RBBP8: variants seen among roughly 807,000 people sequenced by gnomAD.
RBBP8 encodes DNA endonuclease RBBP8.
Under a neutral mutation model 108.3 loss-of-function variants are expected in RBBP8, and 88 were observed. The ratio of observed to expected loss-of-function variants is 0.81; its 90% CI spans 0.68 to 0.97. RBBP8 has a LOEUF of 0.97. Among genes scored for constraint, RBBP8 ranks in the 50% least tolerant of loss-of-function variants. RBBP8 has a pLI of 0.00. For synonymous variants in RBBP8, 332 were observed against 348.2 expected (o/e 0.95, Z 0.52); for missense variants, 1,023 against 1,049.0 (o/e 0.98, Z 0.34).
Position 22,996,476 on chromosome 18 carries a change from TA to T in RBBP8, c.2028+18del. 1 of 1,612,542 alleles carries T rather than the reference TA, an allele frequency of 6.2e-7. No homozygotes were observed. The highest frequency in any genetic ancestry group is 8.5e-7 in the Non-Finnish European group (1 of 1,179,458). ...ATAGATACAAAGGTAAGTTAAAAAG[TA>T]AAACCAAAACTCATTTGACTTTTAT... On this transcript the variant is annotated intron_variant, in intron 13 of 18. Coordinates refer to ENST00000327155, the MANE Select transcript of RBBP8 (RefSeq NM_002894.3).
At chr18:23,016,210 A>G (rs994647234) in intron 16 of RBBP8, among the ~76,000 whole-genome samples, 1 of 151,798 alleles carries the variant, frequency 6.6e-6, no homozygotes, top group Non-Finnish European at 1.5e-5. Context: ...TATTGGTATG[A>G]CTTTACTGGT....
chr18:23,009,420 T>A (rs1238842191), intron 16 of RBBP8, among the ~76,000 whole-genome samples: 1 of 151,686 alleles, frequency 6.6e-6, no homozygotes. Flanking sequence ...TTTTTTGCAG[T>A]TATGCCACCA....
At chr18:22,941,872 C>A (rs769655370) in intron 2 of RBBP8, among the ~76,000 whole-genome samples, 1 of 152,002 alleles carries the variant, frequency 6.6e-6, no homozygotes, top group Non-Finnish European at 1.5e-5. Context: ...ATTGATCATG[C>A]CACTTTCCCA....
chr18:22,963,219 G>A (rs1913265269), intron 4 of RBBP8, among the ~76,000 whole-genome samples: 1 of 151,568 alleles, frequency 6.6e-6, no homozygotes, highest in Non-Finnish European at 1.5e-5. Flanking sequence ...TCTTGACTTA[G>A]GTGTTTTTTT....
intron 4 of RBBP8, among the ~76,000 whole-genome samples, chr18:22,953,034 G>A (rs983107614): frequency 6.6e-6 from 1 of 152,174 alleles, no homozygotes; most frequent in Non-Finnish European, 1.5e-5. Context: ...ACATCAATAA[G>A]ACTTTGGACA....
intron 8 of RBBP8, chr18:22,985,231 A>G: frequency 5.0e-6 from 1 of 201,012 alleles, no homozygotes; most frequent in Non-Finnish European, 8.9e-6. Context: ...ACTGTGATTT[A>G]CTTATTTGTT....
At chr18:22,996,346 A>C (rs1160647243) in intron 12 of RBBP8, 28 bp from the exon 13 acceptor site, 1 of 1,611,964 alleles carries the variant, frequency 6.2e-7, no homozygotes, top group Admixed American at 1.7e-5. Flanking sequence ...TCAGTTTTTT[A>C]ATTGCATGCT....
intron 4 of RBBP8, among the ~76,000 whole-genome samples, chr18:22,950,740 C>T (rs930850443): frequency 6.6e-6 from 1 of 152,054 alleles, no homozygotes. Flanking sequence ...CGCAGTATAG[C>T]AAGAACTCAT....
At chr18:22,925,274 ATCTT>A (rs1909750961) in intron 3 of RBBP8, among the ~76,000 whole-genome samples, 1 of 152,176 alleles carries the variant, frequency 6.6e-6, no homozygotes, top group African/African-American at 2.4e-5. Context: ...TACATTTTTA[ATCTT>A]TCTGATTATA....
At position 22,933,792 on chromosome 18, in the gene RBBP8, G is replaced by A. The variant is rs975799095; in HGVS notation, c.-99+228G>A. 3 of 152,212 alleles carry A rather than the reference G, an allele frequency of 2.0e-5. No homozygotes were observed. In the East Asian group the frequency reaches 5.8e-4, roughly 29 times the overall value. The allele number at this position is 152,212 out of a possible 1,614,324, so 9.4% of individuals were successfully genotyped here. A position where few individuals can be genotyped will look rare whatever the true frequency, so the allele number is the denominator to read the frequency against. Reference sequence around the variant, plus strand: ...TTCTGGGTCTCCCGCGCGGGCTGAGGAAGCGCCTTTCGCCGCCAAGCCCGC... The same window carrying A: ...TTCTGGGTCTCCCGCGCGGGCTGAGAAAGCGCCTTTCGCCGCCAAGCCCGC... On this transcript the variant is annotated intron_variant, in intron 1 of 18. Coordinates refer to ENST00000327155, the MANE Select transcript of RBBP8 (RefSeq NM_002894.3).
intron 5 of RBBP8, among the ~76,000 whole-genome samples, chr18:22,970,106 T>A (rs62095203): frequency 0.17 from 25,730 of 152,202 alleles, 2,900 homozygotes; most frequent in African/African-American, 0.33. Flanking sequence ...AGATTCCTTA[T>A]AATACCAAAT....
chr18:22,966,682 A>G (rs998391977), intron 4 of RBBP8, among the ~76,000 whole-genome samples: 4 of 148,754 alleles, frequency 2.7e-5, no homozygotes, highest in South Asian at 2.1e-4. Context: ...ATATGCTACC[A>G]TGCTGTGACT....
rs1208147021 is a variant in RBBP8, at chr18:22,993,788, C to G, written c.1880C>G (p.Ser627Ter). The change falls in exon 12 of 19, where the codon TCA (serine) becomes TGA (stop). Residue 627 changes from serine to a stop codon, truncating the protein, a stop_gained. Coordinates refer to ENST00000327155, the MANE Select transcript of RBBP8 (RefSeq NM_002894.3). LOFTEE classifies it high-confidence loss of function. ...GACCATGGAGGATGTGAACTTGCAT[C>G]AGTTCTTCAGTTAAATCCATGTAGA... ...RSDHGGCELA[S>*]VLQLNPCRTG... is the part of the protein sequence containing the mutation. 1 of 1,613,588 alleles carries G rather than the reference C, an allele frequency of 6.2e-7. No homozygotes were observed. The highest frequency in any genetic ancestry group is 1.7e-5 in the Admixed American group (1 of 59,996).
intron 18 of RBBP8, among the ~76,000 whole-genome samples, chr18:23,024,004 G>T (rs895958011): frequency 1.3e-5 from 2 of 148,236 alleles, no homozygotes; most frequent in Non-Finnish European, 3.0e-5. Flanking sequence ...TTCTTGAATA[G>T]CTGGGACTAC....
intron 8 of RBBP8, among the ~76,000 whole-genome samples, chr18:22,985,608 G>A (rs1227751498): frequency 6.6e-6 from 1 of 151,964 alleles, no homozygotes; most frequent in East Asian, 1.9e-4. Flanking sequence ...TGGACAACAG[G>A]AAAAATAGAG....
intron 16 of RBBP8, among the ~76,000 whole-genome samples, chr18:23,010,893 A>G (rs2046147124): frequency 6.6e-6 from 1 of 152,222 alleles, no homozygotes; most frequent in African/African-American, 2.4e-5. Flanking sequence ...CTGTTCTGCT[A>G]GGAGATTCCC....
chr18:22,950,531 G>T (rs1911944311), intron 4 of RBBP8, among the ~76,000 whole-genome samples: 1 of 150,498 alleles, frequency 6.6e-6, no homozygotes, highest in African/African-American at 2.5e-5. Flanking sequence ...TGATCGCACT[G>T]CTGCGCTCCA....
intron 3 of RBBP8, among the ~76,000 whole-genome samples, chr18:22,926,286 G>A (rs1025618040): frequency 2.4e-4 from 37 of 152,166 alleles, no homozygotes; most frequent in African/African-American, 8.0e-4. Context: ...AGCCAGGCGT[G>A]GTGCCACATG....
chr18:23,012,653 CATAAT>C (rs1174364358), intron 16 of RBBP8, among the ~76,000 whole-genome samples: 63 of 152,238 alleles, frequency 4.1e-4, no homozygotes, highest in Admixed American at 3.5e-3. Context: ...AAGCCATGTC[CATAAT>C]ATAAAAGTGC....
Sources: allele counts gnomAD v4.1 joint callset (sites outside exome capture counted in the v4.1 genomes callset), GRCh38; gene constraint gnomAD v4.1.1; transcripts MANE v1.5; gene names NCBI Gene and HGNC (gene_info 2026-07-23, HGNC 2026-07-21).